Variants in GRIN2D observed in about 807,000 individuals in gnomAD.
GRIN2D encodes the protein glutamate receptor ionotropic, NMDA 2D.
A neutral mutation model predicts 103.2 loss-of-function variants in GRIN2D; 37 were observed. The observed-to-expected ratio is 0.36, with a 90% CI of 0.28 to 0.47. The LOEUF is 0.47. GRIN2D is among the 20% of genes least tolerant of loss of function. GRIN2D has a pLI of 1.00. For missense variants in GRIN2D, 1,557 were observed against 1,910.6 expected, an observed-to-expected ratio of 0.81 and a Z score of 3.45; for synonymous variants, 845 against 885.6, an observed-to-expected ratio of 0.95 and a Z score of 0.81.
intron 11 of GRIN2D, among the ~76,000 whole-genome samples, chr19:48,428,194 G>T (rs866654384): frequency 6.6e-6 from 1 of 150,956 alleles, no homozygotes; most frequent in Non-Finnish European, 1.5e-5. Context: ...CCGCCACCAC[G>T]CCTGGCTAAT....
At chr19:48,432,478 GTTTA>G (rs761094836) in intron 11 of GRIN2D, among the ~76,000 whole-genome samples, 6 of 151,772 alleles carry the variant, frequency 4.0e-5, no homozygotes, top group Non-Finnish European at 7.4e-5. Context: ...TTCTCTGTTT[GTTTA>G]TTTATTTATG....
intron 3 of GRIN2D, 38 bp downstream of exon 3, chr19:48,398,895 G>A (rs986811410): frequency 4.2e-5 from 55 of 1,304,770 alleles, no homozygotes; most frequent in Non-Finnish European, 5.3e-5. Context: ...CACAGGAGGG[G>A]CGGGGACAGC....
chr19:48,416,690 C>A (rs1175519723), intron 8 of GRIN2D, among the ~76,000 whole-genome samples: 2 of 151,930 alleles, frequency 1.3e-5, no homozygotes. Flanking sequence ...CCAGTAGGAT[C>A]TCTCAGCCTT....
Position 48,419,595 on chromosome 19 carries a change from T to C in GRIN2D, c.1872T>C (p.Gly624=), listed in dbSNP as rs2147455796. 1 of 1,612,482 alleles carries C rather than the reference T, an allele frequency of 6.2e-7. No individual in the cohort carries two copies. Among genetic ancestry groups the C allele is most frequent in the African/African-American group, 1.3e-5 (1 of 74,682 alleles). Residue 624 remains glycine (G), a synonymous_variant, in exon 10 of 14, where the codon GGT becomes GGC. Coordinates refer to ENST00000263269, the MANE Select transcript of GRIN2D (RefSeq NM_000836.4). Reference sequence around the variant, plus strand: ...CCTGGCCCCCTGCAGGCCCTGGCGGTTCAACCTTCACCATTGGGAAATCCA... The same window carrying C: ...CCTGGCCCCCTGCAGGCCCTGGCGGCTCAACCTTCACCATTGGGAAATCCA... ...RSLATGKRPG[G]STFTIGKSIW...
rs1971313735 is a variant in GRIN2D at position 48,442,701 on chromosome 19, G to A, written c.2775G>A (p.Pro925=). The A allele has an allele frequency of 4.3e-6, 5 of 1,158,218 alleles. No homozygotes were observed. Among genetic ancestry groups the A allele is most frequent in the Admixed American group, 4.9e-5 (1 of 20,558 alleles). The allele number at this position is 1,158,218 out of a possible 1,614,324, so 71.7% of individuals were successfully genotyped here. A position where few individuals can be genotyped will look rare whatever the true frequency, so the allele number is the denominator to read the frequency against. Reference sequence around the variant, plus strand: ...GCCCCGCGTACCCCGCGCCGCGGCCGGCTCCCGGGCCCGCACCTTTCGTGC... The same window carrying A: ...GCCCCGCGTACCCCGCGCCGCGGCCAGCTCCCGGGCCCGCACCTTTCGTGC... The part of the protein sequence containing the change: ...LPSPAYPAPR[P]APGPAPFVPR... Residue 925 remains proline (P), a synonymous_variant, in exon 14 of 14, where the codon CCG becomes CCA. Transcript: ENST00000263269. This position sits in a 1 kb window ranked among gnomAD's most constrained non-coding sequence, Gnocchi z 7.2.
chr19:48,415,864 C>G (rs1164721155), intron 7 of GRIN2D, 138 bp from the exon 8 acceptor site: 6 of 726,220 alleles, frequency 8.3e-6, no homozygotes. Flanking sequence ...CCCTCCTCAC[C>G]CACCTCGCAA....
Position 48,443,854 on chromosome 19 carries a change from G to A in GRIN2D, c.3928G>A (p.Ala1310Thr). 1 of 1,485,524 alleles carries A rather than the reference G, an allele frequency of 6.7e-7. No homozygotes were observed. 92.0% of individuals were successfully genotyped at this position (1,485,524 alleles called of 1,614,324 possible). Residue 1310 changes from alanine (A) to threonine (T), a missense_variant, in exon 14 of 14, where the codon GCT becomes ACT. Ala to Thr is a moderately conservative substitution (Grantham distance 58). Coordinates refer to ENST00000263269, the MANE Select transcript of GRIN2D (RefSeq NM_000836.4). This position sits in a 1 kb window ranked among gnomAD's most constrained non-coding sequence, Gnocchi z 8.9. ...AAHWGPPLPT[A>T]SHRRHRGGDL... Reference sequence around the variant, plus strand: ...GCACTGGGGGCCGCCGCTGCCCACAGCTTCCCACCGGAGACACCGGGGCGG... The same window carrying A: ...GCACTGGGGGCCGCCGCTGCCCACAACTTCCCACCGGAGACACCGGGGCGG...
chr19:48,395,360 C>T (rs369410943), intron 2 of GRIN2D, among the ~76,000 whole-genome samples: 2 of 151,818 alleles, frequency 1.3e-5, no homozygotes, highest in African/African-American at 4.8e-5. Context: ...GCTATTAATA[C>T]CCCCGCCAAG....
At position 48,443,202 on chromosome 19, in the gene GRIN2D, TCCGCCCCCGTGCCGCGCCGCG is replaced by T. The variant is rs780314340; in HGVS notation, c.3290_3310del (p.Arg1097_Cys1103del). On this transcript the variant is annotated inframe_deletion, in exon 14 of 14. Coordinates refer to ENST00000263269, the MANE Select transcript of GRIN2D (RefSeq NM_000836.4). This position sits in a 1 kb window ranked among gnomAD's most constrained non-coding sequence, Gnocchi z 8.9. ...GCGCAGGCGGAGGAGCCCCGGCCGC[TCCGCCCCCGTGCCGCGCCGCG>T]CCGCCCCCGTGCCCTTACCTCGATC... The T allele has an allele frequency of 2.1e-5, 26 of 1,209,380 alleles. No individual in the cohort carries two copies. The highest frequency in any genetic ancestry group is 4.4e-5 in the Admixed American group (1 of 22,692). The allele number at this position is 1,209,380 out of a possible 1,614,324, so 74.9% of individuals were successfully genotyped here.
intron 2 of GRIN2D, among the ~76,000 whole-genome samples, chr19:48,395,531 G>A (rs1970628663): frequency 6.6e-6 from 1 of 152,026 alleles, no homozygotes; most frequent in African/African-American, 2.4e-5. Context: ...GGAGGAAACG[G>A]GATGCCGTCT....
intron 4 of GRIN2D, among the ~76,000 whole-genome samples, chr19:48,409,925 C>T (rs1473328235): frequency 1.3e-5 from 2 of 151,546 alleles, no homozygotes; most frequent in Non-Finnish European, 2.9e-5. Context: ...TCTGGGATTA[C>T]AGGTGCCCGC....
At chr19:48,401,081 CAAAA>C (rs34313286) in intron 3 of GRIN2D, among the ~76,000 whole-genome samples, 4 of 123,880 alleles carry the variant, frequency 3.2e-5, no homozygotes, top group African/African-American at 1.2e-4. Flanking sequence ...AGACTGTTCT[CAAAA>C]AAAAAAAAAA....
intron 4 of GRIN2D, among the ~76,000 whole-genome samples, chr19:48,410,483 G>A (rs535618341): frequency 2.2e-5 from 3 of 135,436 alleles, no homozygotes; most frequent in Admixed American, 1.6e-4. Flanking sequence ...AGCTGAGATC[G>A]TGCCACTGCA....
chr19:48,437,021 T>C (rs1337889905), intron 11 of GRIN2D, among the ~76,000 whole-genome samples: 1 of 151,914 alleles, frequency 6.6e-6, no homozygotes. Flanking sequence ...GGTGACAGAG[T>C]GGGAACAAAC....
At chr19:48,413,840 G>T (rs1970907597) in intron 4 of GRIN2D, 151 bp from the exon 5 acceptor site, 2 of 630,052 alleles carry the variant, frequency 3.2e-6, no homozygotes, top group Admixed American at 2.3e-5. Context: ...CAGGGAAGGG[G>T]TATATTCGTG....
intron 11 of GRIN2D, among the ~76,000 whole-genome samples, chr19:48,439,691 A>G (rs1344135389): frequency 6.6e-6 from 1 of 151,978 alleles, no homozygotes; most frequent in African/African-American, 2.4e-5. Context: ...ACCTTGGGAG[A>G]AACCCACTTT....
At position 48,414,719 on chromosome 19, in the gene GRIN2D, C is replaced by A. The variant is rs936414280; in HGVS notation, c.1412+135C>A. 13 of 1,265,870 alleles carry A rather than the reference C, an allele frequency of 1.0e-5. No individual in the cohort carries two copies. Among genetic ancestry groups the A allele is most frequent in the African/African-American group, 1.5e-5 (1 of 66,886 alleles). The allele number at this position is 1,265,870 out of a possible 1,614,324, so 78.4% of individuals were successfully genotyped here. On this transcript the variant is annotated intron_variant, in intron 6 of 13. Coordinates refer to ENST00000263269, the MANE Select transcript of GRIN2D (RefSeq NM_000836.4). This position sits in a 1 kb window ranked among gnomAD's most constrained non-coding sequence, Gnocchi z 4.6. Reference sequence around the variant, plus strand: ...CTCCAGCTTGGTGACCTTAGGCAAACCTCAGAATTCTTTGAGCCTGAGTTT... The same window carrying A: ...CTCCAGCTTGGTGACCTTAGGCAAAACTCAGAATTCTTTGAGCCTGAGTTT...
intron 2 of GRIN2D, among the ~76,000 whole-genome samples, chr19:48,395,768 G>T (rs276714): frequency 6.6e-6 from 1 of 151,860 alleles, no homozygotes; most frequent in Admixed American, 6.6e-5. Flanking sequence ...GGGAAGGATA[G>T]GGTTTGAAAC....
At position 48,421,459 on chromosome 19, in the gene GRIN2D, A is replaced by T. The variant is rs1454623219; in HGVS notation, c.2092-326A>T. Among the ~76,000 whole-genome samples the T allele has an allele frequency of 4.0e-5, 6 of 151,372 alleles. No homozygotes were observed. Among genetic ancestry groups the T allele is most frequent in the Non-Finnish European group, 7.4e-5 (5 of 67,916 alleles). ...AAAAAAGTGAACTATTTCTGAACGG[A>T]TTGGTAAATAGCAACAGCTCCCAGC... On this transcript the variant is annotated intron_variant, in intron 10 of 13. Transcript: ENST00000263269. This position sits in a 1 kb window ranked among gnomAD's most constrained non-coding sequence, Gnocchi z 4.8.
Sources: gnomAD v4.1 joint callset for allele counts (sites outside exome capture counted in the v4.1 genomes callset) on GRCh38, gnomAD v4.1.1 for gene constraint, Gnocchi (gnomAD v3.1) non-coding constraint, MANE v1.5 for transcripts, NCBI Gene and HGNC (gene_info 2026-07-23, HGNC 2026-07-21) for gene names.